Variants in RFX7 observed in about 807,000 individuals in gnomAD.
RFX7 encodes regulatory factor X7, also known as DNA-binding protein RFX7.
A neutral mutation model predicts 111.8 loss-of-function variants in RFX7; 26 were observed. That is an observed-to-expected ratio of 0.23 (90% confidence interval 0.17 to 0.32). RFX7 has a LOEUF of 0.32. Among genes scored for constraint, RFX7 ranks in the 10% least tolerant of loss-of-function variants. The pLI is 1.00. For synonymous variants in RFX7, 624 were observed against 624.4 expected, an observed-to-expected ratio of 1.00 and a Z score of 0.01; for missense variants, 1,573 against 1,772.9, an observed-to-expected ratio of 0.89 and a Z score of 2.02.
intron 2 of RFX7, among the ~76,000 whole-genome samples, chr15:56,228,262 G>A (rs1567053629): frequency 6.6e-6 from 1 of 151,954 alleles, no homozygotes; most frequent in Non-Finnish European, 1.5e-5. Context: ...AAATCCTCAA[G>A]TTATTATTAC....
Position 56,095,281 on chromosome 15 carries a change from A to G in RFX7, c.2447T>C (p.Leu816Ser). 1 of 1,613,942 alleles carries G rather than the reference A, an allele frequency of 6.2e-7. No homozygotes were observed. Among genetic ancestry groups the G allele is most frequent in the African/African-American group, 1.3e-5 (1 of 75,032 alleles). The part of the protein sequence containing the change: ...TIPEHSDIND[L>S]EKSVWELEGM... Reference sequence around the variant, plus strand: ...TTCTAATTCCCAAACAGATTTCTCTAAGTCATTGATATCAGAGTGCTCAGG... The same window carrying G: ...TTCTAATTCCCAAACAGATTTCTCTGAGTCATTGATATCAGAGTGCTCAGG... The change falls in exon 10 of 10, where the codon TTA becomes TCA. Residue 816 changes from leucine (L) to serine (S), a missense_variant. Leu to Ser is a moderately radical substitution (Grantham distance 145, BLOSUM62 -2). Transcript: ENST00000559447.
chr15:56,141,810 C>T (rs1387165486), intron 5 of RFX7, among the ~76,000 whole-genome samples: 3 of 151,088 alleles, frequency 2.0e-5, no homozygotes, highest in Non-Finnish European at 4.4e-5. Context: ...ATCACATGCA[C>T]TCTCAGTTTT....
At chr15:56,218,188 C>CAA (rs2043384893) in intron 2 of RFX7, among the ~76,000 whole-genome samples, 1 of 82,376 alleles carries the variant, frequency 1.2e-5, no homozygotes, top group African/African-American at 5.0e-5. Flanking sequence ...GAGTCTTGCT[C>CAA]TTGTTGCCCA....
intron 5 of RFX7, among the ~76,000 whole-genome samples, chr15:56,110,098 T>C (rs1276596898): frequency 2.3e-5 from 2 of 87,756 alleles, no homozygotes; most frequent in Non-Finnish European, 4.4e-5. Flanking sequence ...GGTGGGGGGG[T>C]CAGCCCCCCG....
chr15:56,168,293 C>G (rs2042806020), intron 3 of RFX7, among the ~76,000 whole-genome samples: 2 of 152,060 alleles, frequency 1.3e-5, no homozygotes, highest in Non-Finnish European at 2.9e-5. Context: ...CAATAAAAAA[C>G]AAAGAAACTT....
At chr15:56,114,671 G>C (rs1422212508) in intron 5 of RFX7, among the ~76,000 whole-genome samples, 2 of 151,758 alleles carry the variant, frequency 1.3e-5, no homozygotes, top group Non-Finnish European at 2.9e-5. Context: ...TACTTTGCTT[G>C]AAGTCAAAAC....
intron 3 of RFX7, among the ~76,000 whole-genome samples, chr15:56,172,577 G>A (rs1188601420): frequency 6.6e-6 from 1 of 152,122 alleles, no homozygotes; most frequent in African/African-American, 2.4e-5. Flanking sequence ...AGAGATAAGG[G>A]AAAGAAGACA....
chr15:56,102,280 T>G (rs373945856), intron 6 of RFX7, 27 bp from the exon 7 acceptor site: 11 of 1,423,044 alleles, frequency 7.7e-6, no homozygotes, highest in Non-Finnish European at 1.1e-5. Context: ...GTCTAAATAT[T>G]CAAAATTAAA....
At chr15:56,192,795 A>T (rs1050204587) in intron 2 of RFX7, 10 of 224,020 alleles carry the variant, frequency 4.5e-5, no homozygotes, top group Non-Finnish European at 9.8e-5. Context: ...GAGGCCAGCA[A>T]ATCGGTCTTG....
chr15:56,229,190 A>G (rs2043520046), intron 2 of RFX7, among the ~76,000 whole-genome samples: 1 of 152,198 alleles, frequency 6.6e-6, no homozygotes, highest in Non-Finnish European at 1.5e-5. Flanking sequence ...AACTTCAGAA[A>G]GTGAAACTGC....
At chr15:56,139,148 T>A (rs1232664050) in intron 5 of RFX7, among the ~76,000 whole-genome samples, 6 of 151,988 alleles carry the variant, frequency 3.9e-5, no homozygotes, top group Non-Finnish European at 5.9e-5. Flanking sequence ...ATTTCCTGAA[T>A]CTGAATGTTG....
intron 3 of RFX7, among the ~76,000 whole-genome samples, chr15:56,175,359 T>C (rs1595987412): frequency 2.0e-5 from 3 of 152,336 alleles, no homozygotes; most frequent in African/African-American, 7.2e-5. Context: ...CAAATTGATC[T>C]ATAAATTTGA....
chr15:56,244,176 G>C (rs372535369), upstream of RFX7: 2 of 152,318 alleles, frequency 1.3e-5, no homozygotes, highest in Non-Finnish European at 2.9e-5. Flanking sequence ...GGCGGGGGAG[G>C]CATCTTCAAA....
At chr15:56,105,940 T>C (rs982050071) in intron 5 of RFX7, among the ~76,000 whole-genome samples, 6 of 152,172 alleles carry the variant, frequency 3.9e-5, no homozygotes, top group African/African-American at 1.4e-4. Context: ...TGATTAGTAA[T>C]TGCTATACAT....
At chr15:56,243,066 C>CCCCA in intron 2 of RFX7, 59 bp downstream of exon 2, 62 of 1,161,510 alleles carry the variant, frequency 5.3e-5, no homozygotes, top group Non-Finnish European at 7.0e-5. Flanking sequence ...GCCCCCCACC[C>CCCCA]ACTTTGCAGC....
At chr15:56,098,462 A>G (rs1567006248) in intron 8 of RFX7, 86 bp from the exon 9 acceptor site, 1 of 1,406,014 alleles carries the variant, frequency 7.1e-7, no homozygotes, top group East Asian at 2.5e-5. Context: ...GAATGTAGCC[A>G]TCTACTGGAC....
intron 3 of RFX7, among the ~76,000 whole-genome samples, chr15:56,159,217 A>T (rs72738618): frequency 0.13 from 19,832 of 152,176 alleles, 1,692 homozygotes; most frequent in East Asian, 0.44. Context: ...TGTATGTATA[A>T]TTACATTTTC....
At chr15:56,234,561 C>T (rs556021591) in intron 2 of RFX7, among the ~76,000 whole-genome samples, 13 of 152,154 alleles carry the variant, frequency 8.5e-5, no homozygotes, top group Admixed American at 1.3e-4. Flanking sequence ...AATCAAATTA[C>T]GGAAGTGATT....
rs1488433294 is a variant in RFX7 at position 56,214,693 on chromosome 15, C to A, written c.161+28432G>T. 6.8e-4 allele frequency among the ~76,000 whole-genome samples: 85 copies of A among 125,782 alleles called. 1 individual carries two copies. The highest frequency in any genetic ancestry group is 2.5e-3 in the African/African-American group (83 of 33,236). 82.5% of individuals were successfully genotyped at this position (125,782 alleles called of 152,430 possible). A position where few individuals can be genotyped will look rare whatever the true frequency, so the allele number is the denominator to read the frequency against. On this transcript the variant is annotated intron_variant, in intron 2 of 9. Coordinates refer to ENST00000559447, the MANE Select transcript of RFX7 (RefSeq NM_022841.7). ...TCGCACCACTGCACTCCGGCCTGGG[C>A]AAAAGAGCGAGACTCTGTCTCAAAA...
Sources: allele counts gnomAD v4.1 joint callset (sites outside exome capture counted in the v4.1 genomes callset), GRCh38; gene constraint gnomAD v4.1.1; transcripts MANE v1.5; gene names NCBI Gene and HGNC (gene_info 2026-07-23, HGNC 2026-07-21).